Variants in MKX observed in about 807,000 individuals in gnomAD.
The protein encoded by MKX is homeobox protein Mohawk.
MKX carries 13 observed loss-of-function variants against 36.0 expected under a neutral mutation model. The observed-to-expected ratio is 0.36, with a 90% CI of 0.24 to 0.57. The LOEUF is 0.57. Ranked by LOEUF, MKX falls within the 20% of genes least tolerant of loss-of-function variation. MKX has a pLI of 0.79. For synonymous variants in MKX, 176 were observed against 178.3 expected, an observed-to-expected ratio of 0.99 and a Z score of 0.10; for missense variants, 458 against 456.4, an observed-to-expected ratio of 1.00 and a Z score of -0.03.
At chr10:27,692,879 A>G (rs1836480478) in intron 5 of MKX, among the ~76,000 whole-genome samples, 1 of 152,224 alleles carries the variant, frequency 6.6e-6, no homozygotes, top group South Asian at 2.1e-4. Flanking sequence ...AGCTGGAGCT[A>G]CATGGTCTCT....
chr10:27,742,972 C>G lies in MKX; in HGVS notation c.188+256G>C, dbSNP rs1834942383. On this transcript the variant is annotated intron_variant, in intron 2 of 6. Coordinates refer to ENST00000419761, the MANE Select transcript of MKX (RefSeq NM_173576.3). The surrounding 1 kb of genome is among the most constrained non-coding windows in gnomAD (Gnocchi z 4.2). ...CTCCGAGGTCCAGGCAGCGGAGGGCCGAGGGGCAGCTCCTGGCGCCCTTAG... is the reference window on the plus strand; with the variant it reads ...CTCCGAGGTCCAGGCAGCGGAGGGCGGAGGGGCAGCTCCTGGCGCCCTTAG... Among the ~76,000 whole-genome samples the G allele has an allele frequency of 6.6e-6, 1 of 152,252 alleles. No individual in the cohort carries two copies. Among genetic ancestry groups the G allele is most frequent in the South Asian group, 2.1e-4 (1 of 4,834 alleles).
intron 5 of MKX, among the ~76,000 whole-genome samples, chr10:27,698,383 T>C (rs1836593320): frequency 6.6e-6 from 1 of 152,148 alleles, no homozygotes; most frequent in Admixed American, 6.5e-5. Context: ...CCAGGCGGGA[T>C]CATGGCAGGA....
chr10:27,689,019 C>T (rs948554411), intron 5 of MKX, among the ~76,000 whole-genome samples: 4 of 152,340 alleles, frequency 2.6e-5, no homozygotes, highest in South Asian at 4.1e-4. Flanking sequence ...TCAAACTCCT[C>T]AGTATCTCTG....
In MKX at chr10:27,741,030, TCGG is replaced by T. The variant is rs1285172560; in HGVS notation, c.348+312_348+314del. On this transcript the variant is annotated intron_variant, in intron 3 of 6. Transcript: ENST00000419761. The surrounding 1 kb of genome is among the most constrained non-coding windows in gnomAD (Gnocchi z 5.1). ...ACCCCAGACCTGCTGAATCCGAAAC[TCGG>T]AGGTGGGGCCTAGCGATTCGTGTTT... Among the ~76,000 whole-genome samples the T allele has an allele frequency of 2.0e-5, 3 of 152,138 alleles. No individual in the cohort carries two copies. Among genetic ancestry groups the T allele is most frequent in the African/African-American group, 7.2e-5 (3 of 41,430 alleles).
intron 5 of MKX, among the ~76,000 whole-genome samples, chr10:27,709,318 T>A (rs1270378997): frequency 6.6e-6 from 1 of 152,188 alleles, no homozygotes; most frequent in Non-Finnish European, 1.5e-5. Flanking sequence ...CTAGAGATGA[T>A]TTAAAGGATA....
intron 2 of MKX, 105 bp downstream of exon 2, chr10:27,743,123 C>A: frequency 8.7e-7 from 1 of 1,154,050 alleles, no homozygotes; most frequent in Non-Finnish European, 1.1e-6. Flanking sequence ...AACTCCGGGC[C>A]CTTTCCCGTC....
chr10:27,735,219 A>AC lies in MKX; in HGVS notation c.502+1dup. On this transcript the variant is annotated splice_donor_variant, in intron 4 of 6. Coordinates refer to ENST00000419761, the MANE Select transcript of MKX (RefSeq NM_173576.3). LOFTEE classifies it high-confidence loss of function. ...GAAAGCAAAATAAAAATATTAACAA[A>AC]CCTTCAGAACATGAGTCATCACTGC... 6.5e-7 allele frequency: 1 copy of AC among 1,536,672 alleles called. No individual in the cohort carries two copies. Among genetic ancestry groups the AC allele is most frequent in the Non-Finnish European group, 8.7e-7 (1 of 1,143,306 alleles).
Position 27,735,197 on chromosome 10 carries a change from A to G in MKX, c.502+24T>C, listed in dbSNP as rs764062798. 1.0e-5 allele frequency: 16 copies of G among 1,524,540 alleles called. No individual in the cohort carries two copies. In the East Asian group the frequency reaches 1.9e-4, roughly 18 times the overall value. 94.4% of individuals were successfully genotyped at this position (1,524,540 alleles called of 1,614,324 possible). On this transcript the variant is annotated intron_variant, in intron 4 of 6. Transcript: ENST00000419761. Reference sequence around the variant, plus strand: ...TTGCTAATAGAGGCAAAACAAAGAAAGCAAAATAAAAATATTAACAAACCT... The same window carrying G: ...TTGCTAATAGAGGCAAAACAAAGAAGGCAAAATAAAAATATTAACAAACCT...
At chr10:27,677,542 G>T (rs542654360) in intron 5 of MKX, among the ~76,000 whole-genome samples, 15 of 152,282 alleles carry the variant, frequency 9.9e-5, no homozygotes, top group Admixed American at 2.6e-4. Flanking sequence ...GCCAAGCTTC[G>T]ATGCCCTCTC....
chr10:27,693,845 A>G (rs981257291), intron 5 of MKX, among the ~76,000 whole-genome samples: 10 of 152,050 alleles, frequency 6.6e-5, no homozygotes, highest in Non-Finnish European at 1.3e-4. Context: ...CCCCACCCAA[A>G]TCTCATCTTG....
intron 5 of MKX, among the ~76,000 whole-genome samples, chr10:27,680,892 C>A (rs746221114): frequency 2.6e-5 from 4 of 152,124 alleles, no homozygotes; most frequent in Non-Finnish European, 5.9e-5. Flanking sequence ...GAAATCATTA[C>A]TGAAATAGCT....
At chr10:27,711,364 T>C (rs947920286) in intron 5 of MKX, among the ~76,000 whole-genome samples, 5 of 152,164 alleles carry the variant, frequency 3.3e-5, no homozygotes, top group African/African-American at 9.6e-5. Context: ...TATTCTTATT[T>C]CATAATTGTC....
intron 5 of MKX, among the ~76,000 whole-genome samples, chr10:27,708,598 G>A (rs1233952014): frequency 6.6e-6 from 1 of 152,010 alleles, no homozygotes; most frequent in African/African-American, 2.4e-5. Context: ...GCGTGGTGGC[G>A]TGCGCCTCTA....
At chr10:27,686,393 GA>G (rs113347388) in intron 5 of MKX, among the ~76,000 whole-genome samples, 169 of 73,390 alleles carry the variant, frequency 2.3e-3, no homozygotes, top group African/African-American at 0.013. Flanking sequence ...GAAGGGAAGG[GA>G]AAGGAAGGAA....
intron 5 of MKX, among the ~76,000 whole-genome samples, chr10:27,706,320 A>G (rs1270877530): frequency 1.3e-5 from 2 of 152,136 alleles, no homozygotes; most frequent in Non-Finnish European, 2.9e-5. Context: ...TTTGATTGTT[A>G]TAAATAATGC....
rs1441624719 is a variant in MKX, at chr10:27,742,911, G to A, written c.188+317C>T. Among the ~76,000 whole-genome samples, 1 of 152,192 alleles carries A rather than the reference G, an allele frequency of 6.6e-6. No homozygotes were observed. The highest frequency in any genetic ancestry group is 2.4e-5 in the African/African-American group (1 of 41,454). On this transcript the variant is annotated intron_variant, in intron 2 of 6. Coordinates refer to ENST00000419761, the MANE Select transcript of MKX (RefSeq NM_173576.3). The surrounding 1 kb of genome is among the most constrained non-coding windows in gnomAD (Gnocchi z 4.2). The stretch of plus-strand genomic sequence containing the variant: ...TTTCCTCGCCCTCAGCCGCGCACCG[G>A]CACCCACAGTCCGGAGAGGGGCAAA...
intron 5 of MKX, among the ~76,000 whole-genome samples, chr10:27,700,968 ATACC>A (rs770763416): frequency 5.3e-5 from 8 of 152,180 alleles, no homozygotes; most frequent in Non-Finnish European, 1.2e-4. Flanking sequence ...GTAGGTGTAT[ATACC>A]TATTTTATTA....
At position 27,743,145 on chromosome 10, in the gene MKX, G is replaced by A. The variant is rs78347481; in HGVS notation, c.188+83C>T. On this transcript the variant is annotated intron_variant, in intron 2 of 6. Coordinates refer to ENST00000419761, the MANE Select transcript of MKX (RefSeq NM_173576.3). The stretch of plus-strand genomic sequence containing the variant: ...GGCCCTTTCCCGTCCACCCGCCCGC[G>A]TTGCCACGGGACCCCGTCACAGCTC... 12,575 of 1,308,892 alleles carry A rather than the reference G, an allele frequency of 9.6e-3. 909 individuals carry two copies. The African/African-American group carries it at 0.16, about 17-fold the overall frequency. The allele number at this position is 1,308,892 out of a possible 1,614,324, so 81.1% of individuals were successfully genotyped here.
At chr10:27,693,828 G>C (rs1480027431) in intron 5 of MKX, among the ~76,000 whole-genome samples, 1 of 151,972 alleles carries the variant, frequency 6.6e-6, no homozygotes, top group Non-Finnish European at 1.5e-5. Context: ...TTATGGTTTG[G>C]CTGTGTCCCC....
Sources: gnomAD v4.1 joint callset for allele counts (sites outside exome capture counted in the v4.1 genomes callset) on GRCh38, gnomAD v4.1.1 for gene constraint, Gnocchi (gnomAD v3.1) non-coding constraint, MANE v1.5 for transcripts, NCBI Gene and HGNC (gene_info 2026-07-23, HGNC 2026-07-21) for gene names.